The following NATD1 variants were observed in gnomAD, a reference collection of about 807,000 sequenced individuals.
NATD1 encodes the protein N-acetyltransferase domain containing 1.
A neutral mutation model predicts 12.0 loss-of-function variants in NATD1; 9 were observed. That is an observed-to-expected ratio of 0.75 (90% CI 0.45 to 1.30). The LOEUF is 1.30. Among genes scored for constraint, NATD1 ranks in the 50% most tolerant of loss-of-function variants. The probability of loss-of-function intolerance (pLI) is 0.00; values close to 1 mark genes in which losing one functional copy is unlikely to be tolerated. For missense variants in NATD1, 148 were observed against 148.5 expected (o/e 1.00, Z 0.02); for synonymous variants, 71 against 65.9 (o/e 1.08, Z -0.37).
intron 1 of NATD1, among the ~76,000 whole-genome samples, chr17:21,246,752 T>C (rs1049845094): frequency 2.0e-5 from 3 of 151,760 alleles, no homozygotes; most frequent in Non-Finnish European, 4.4e-5. Flanking sequence ...AGGATCACTA[T>C]ACAGCAGAGG....
intron 1 of NATD1, among the ~76,000 whole-genome samples, chr17:21,247,261 A>T (rs1294708486): frequency 1.3e-5 from 2 of 152,184 alleles, no homozygotes; most frequent in African/African-American, 4.8e-5. Flanking sequence ...TGTCCAACTA[A>T]AACAACTGCT....
In NATD1 at chr17:21,252,870, C is replaced by T. The variant is rs1975391047; in HGVS notation, c.106+289G>A. 1.3e-5 allele frequency among the ~76,000 whole-genome samples: 2 copies of T among 151,958 alleles called. 1 individual carries two copies. Among genetic ancestry groups the T allele is most frequent in the South Asian group, 4.1e-4 (2 of 4,832 alleles). ...TCCTGCCTCTGCCTTTCCAGGGGCCCCTGTCCGCCCTGGCCCCTGCTCTCC... is the reference window on the plus strand; with the variant it reads ...TCCTGCCTCTGCCTTTCCAGGGGCCTCTGTCCGCCCTGGCCCCTGCTCTCC... On this transcript the variant is annotated intron_variant, in intron 1 of 2. Coordinates refer to ENST00000611551, the MANE Select transcript of NATD1 (RefSeq NM_152914.3).
intron 2 of NATD1, 64 bp from the exon 3 acceptor site, chr17:21,243,493 C>T: frequency 7.6e-7 from 1 of 1,323,078 alleles, no homozygotes; most frequent in Non-Finnish European, 1.1e-6. Flanking sequence ...GTAGCATTGT[C>T]TGCTGCCTCC....
rs1424781870 is a variant in NATD1, at chr17:21,238,965, TACAAC to T, written c.*4343_*4347del. 1.2e-4 allele frequency: 18 copies of T among 152,220 alleles called. No homozygotes were observed. Among genetic ancestry groups the T allele is most frequent in the African/African-American group, 3.1e-4 (13 of 41,450 alleles). The allele number at this position is 152,220 out of a possible 1,614,324, so 9.4% of individuals were successfully genotyped here. On this transcript the variant is annotated 3_prime_UTR_variant, in exon 3 of 3. Transcript: ENST00000611551. ...TAAATTTGATTCTGCAGGTTGCAGTTACAACACAAGTTGAAGTCACAGCCTTGCCG... is the reference window on the plus strand; with the variant it reads ...TAAATTTGATTCTGCAGGTTGCAGTTACAAGTTGAAGTCACAGCCTTGCCG...
rs532888229 is a variant in NATD1, at chr17:21,241,262, T to G, written c.*2051A>C. On this transcript the variant is annotated 3_prime_UTR_variant, in exon 3 of 3. Coordinates refer to ENST00000611551, the MANE Select transcript of NATD1 (RefSeq NM_152914.3). ...GTGCTGTCACTGCAAGGGACCCTCC[T>G]GCGGATGGGCTGGAGGCCACAGGGA... 1 of 152,170 alleles carries G rather than the reference T, an allele frequency of 6.6e-6. No homozygotes were observed. Among genetic ancestry groups the G allele is most frequent in the East Asian group, 2.0e-4 (1 of 5,104 alleles). 9.4% of individuals were successfully genotyped at this position (152,170 alleles called of 1,614,324 possible).
chr17:21,248,133 C>T (rs891143044), intron 1 of NATD1, among the ~76,000 whole-genome samples: 1 of 152,144 alleles, frequency 6.6e-6, no homozygotes, highest in Non-Finnish European at 1.5e-5. Flanking sequence ...ACTGGGCCAG[C>T]GAGGAGCCAG....
In NATD1 at chr17:21,241,168, C is replaced by T. The variant is rs561593651; in HGVS notation, c.*2145G>A. On this transcript the variant is annotated 3_prime_UTR_variant, in exon 3 of 3. Coordinates refer to ENST00000611551, the MANE Select transcript of NATD1 (RefSeq NM_152914.3). Reference sequence around the variant, plus strand: ...AGGTGGGAGTGGGAACAGAGTGGCACCAGGCCCATTCCCTCCTGGCTCTCA... The same window carrying T: ...AGGTGGGAGTGGGAACAGAGTGGCATCAGGCCCATTCCCTCCTGGCTCTCA... The T allele has an allele frequency of 2.0e-5, 3 of 152,544 alleles. No individual in the cohort carries two copies. In the South Asian group the frequency reaches 6.2e-4, roughly 32 times the overall value. The allele number at this position is 152,544 out of a possible 1,614,324, so 9.4% of individuals were successfully genotyped here.
In NATD1 at chr17:21,244,443, C is replaced by T. The variant is rs572184709; in HGVS notation, c.107-219G>A. 2.3e-4 allele frequency among the ~76,000 whole-genome samples: 35 copies of T among 152,266 alleles called. No individual in the cohort carries two copies. The highest frequency in any genetic ancestry group is 7.5e-4 in the African/African-American group (31 of 41,540). On this transcript the variant is annotated intron_variant, in intron 1 of 2. Transcript: ENST00000611551. The surrounding 1 kb of genome is among the most constrained non-coding windows in gnomAD (Gnocchi z 5.2). ...GGATTAAATGAGGTAACCTCTGTGA[C>T]GTGCTTACAGCCATGCCTAGAACAC...
intron 1 of NATD1, among the ~76,000 whole-genome samples, chr17:21,251,213 G>A (rs543431938): frequency 6.6e-6 from 1 of 151,490 alleles, no homozygotes; most frequent in East Asian, 2.0e-4. Flanking sequence ...TAGAAATACG[G>A]CTGGGCATGT....
intron 1 of NATD1, among the ~76,000 whole-genome samples, chr17:21,247,766 CCTATG>C (rs1197132866): frequency 1.3e-5 from 2 of 152,212 alleles, no homozygotes; most frequent in African/African-American, 2.4e-5. Context: ...CAGATAAGGG[CCTATG>C]GCCTGGACCA....
chr17:21,248,261 C>T (rs1409393416), intron 1 of NATD1, among the ~76,000 whole-genome samples: 2 of 152,158 alleles, frequency 1.3e-5, no homozygotes, highest in Non-Finnish European at 2.9e-5. Context: ...AATGCAATAC[C>T]GGTCCTCACG....
In NATD1 at chr17:21,243,321, G is replaced by A; in HGVS notation, c.334C>T (p.Gln112Ter). Residue 112 changes from glutamine (Q) to a stop codon, truncating the protein, a stop_gained, in exon 3 of 3, where the codon CAG (glutamine) becomes TAG (stop). Transcript: ENST00000611551. LOFTEE classifies it high-confidence loss of function. The stretch of plus-strand genomic sequence containing the variant: ...CCGCCTGCAGGCCAGGGTTACGGCT[G>A]CAGGCGCTCCAGGTACTGCGGCAGG... ...NPLPQYLERL[Q>*]P 1.9e-6 allele frequency: 3 copies of A among 1,612,174 alleles called. No homozygotes were observed. The highest frequency in any genetic ancestry group is 2.5e-6 in the Non-Finnish European group (3 of 1,179,856).
At chr17:21,246,350 C>T (rs1272190190) in intron 1 of NATD1, among the ~76,000 whole-genome samples, 1 of 152,042 alleles carries the variant, frequency 6.6e-6, no homozygotes, top group African/African-American at 2.4e-5. Context: ...CCCATCTCTA[C>T]TAAAGATACA....
At chr17:21,250,109 T>C (rs1410547255) in intron 1 of NATD1, among the ~76,000 whole-genome samples, 1 of 152,252 alleles carries the variant, frequency 6.6e-6, no homozygotes, top group Non-Finnish European at 1.5e-5. Flanking sequence ...GCATCCCATC[T>C]GTCTTCTGCT....
chr17:21,250,050 T>C (rs868070142), intron 1 of NATD1, among the ~76,000 whole-genome samples: 3 of 152,212 alleles, frequency 2.0e-5, no homozygotes, highest in African/African-American at 7.2e-5. Flanking sequence ...TGCTCTGTCC[T>C]GGTCCCCACA....
rs561802887 is a variant in NATD1, at chr17:21,245,488, C to T, written c.107-1264G>A. Among the ~76,000 whole-genome samples, 40 of 152,298 alleles carry T rather than the reference C, an allele frequency of 2.6e-4. No individual in the cohort carries two copies. In the South Asian group the frequency reaches 4.1e-3, roughly 16 times the overall value. ...GGTCCAACCACTAGTCCAGGGCCAC[C>T]GGAACTGGGGCCAACGGCAGCAAGG... is the stretch of plus-strand genomic sequence containing the variant. On this transcript the variant is annotated intron_variant, in intron 1 of 2. Coordinates refer to ENST00000611551, the MANE Select transcript of NATD1 (RefSeq NM_152914.3).
chr17:21,240,173 GCAGGGAA>G lies in NATD1; in HGVS notation c.*3133_*3139del, dbSNP rs1447054799. ...TCAGAGGCTTTTGTGCCTGGAGGTG[GCAGGGAA>G]CTGTGGTGTGGGGGCTGGGCCAGCC... is the stretch of plus-strand genomic sequence containing the variant. On this transcript the variant is annotated 3_prime_UTR_variant, in exon 3 of 3. Transcript: ENST00000611551. 6.6e-6 allele frequency: 1 copy of G among 152,430 alleles called. No homozygotes were observed. The highest frequency in any genetic ancestry group is 1.5e-5 in the Non-Finnish European group (1 of 68,184). The allele number at this position is 152,430 out of a possible 1,614,324, so 9.4% of individuals were successfully genotyped here.
At chr17:21,251,085 C>T (rs1027382691) in intron 1 of NATD1, among the ~76,000 whole-genome samples, 17 of 152,120 alleles carry the variant, frequency 1.1e-4, no homozygotes, top group Non-Finnish European at 2.1e-4. Context: ...TGCTGCACAG[C>T]CACTCCCTTG....
At chr17:21,248,518 T>A (rs1320747339) in intron 1 of NATD1, among the ~76,000 whole-genome samples, 1 of 152,102 alleles carries the variant, frequency 6.6e-6, no homozygotes, top group African/African-American at 2.4e-5. Flanking sequence ...TTCCTTCTCA[T>A]TTCAGGTGAG....
Sources: allele counts gnomAD v4.1 joint callset (sites outside exome capture counted in the v4.1 genomes callset), GRCh38; gene constraint gnomAD v4.1.1; non-coding constraint Gnocchi (gnomAD v3.1); transcripts MANE v1.5; gene names NCBI Gene and HGNC (gene_info 2026-07-23, HGNC 2026-07-21).